Variants in OPCML observed in about 807,000 individuals in gnomAD.
The protein encoded by OPCML is opioid binding protein/cell adhesion molecule like.
In OPCML, 13 loss-of-function variants were observed where a neutral mutation model predicts 37.8. That is an observed-to-expected ratio of 0.34 (90% CI 0.22 to 0.55). The LOEUF (loss-of-function observed/expected upper bound fraction) is 0.55. Ranked by LOEUF, OPCML falls within the 20% of genes least tolerant of loss-of-function variation. The pLI is 0.91. For synonymous variants in OPCML, 176 were observed against 168.8 expected (o/e 1.04, Z -0.33); for missense variants, 341 against 435.6 (o/e 0.78, Z 1.93).
intron 4 of OPCML, among the ~76,000 whole-genome samples, chr11:132,456,789 A>C (rs1259981938): frequency 1.3e-5 from 2 of 152,244 alleles, no homozygotes; most frequent in Non-Finnish European, 2.9e-5. Context: ...AACATAGTCC[A>C]ATTGAAATTC....
intron 1 of OPCML, among the ~76,000 whole-genome samples, chr11:133,124,230 G>A (rs1450054549): frequency 6.6e-6 from 1 of 152,092 alleles, no homozygotes; most frequent in Non-Finnish European, 1.5e-5. Context: ...CTTAAGTCCA[G>A]CTTTCCCTGA....
intron 1 of OPCML, among the ~76,000 whole-genome samples, chr11:133,375,525 A>G (rs1246697683): frequency 6.6e-6 from 1 of 152,130 alleles, no homozygotes; most frequent in African/African-American, 2.4e-5. Context: ...AAGCTAAGAA[A>G]ATGTTAGATC....
At chr11:132,953,023 GA>G (rs916304447) in intron 1 of OPCML, among the ~76,000 whole-genome samples, 1 of 152,146 alleles carries the variant, frequency 6.6e-6, no homozygotes, top group Non-Finnish European at 1.5e-5. Flanking sequence ...AGTTATCTAT[GA>G]GGTTCCCCAA....
intron 1 of OPCML, among the ~76,000 whole-genome samples, chr11:133,220,362 A>G (rs1347021378): frequency 1.3e-5 from 2 of 152,192 alleles, no homozygotes; most frequent in Non-Finnish European, 2.9e-5. Flanking sequence ...CATTAGGACA[A>G]AAAATAAGGA....
chr11:132,623,750 G>A (rs187384091), intron 3 of OPCML, among the ~76,000 whole-genome samples: 1 of 152,308 alleles, frequency 6.6e-6, no homozygotes, highest in African/African-American at 2.4e-5. Flanking sequence ...GCTGTGACTG[G>A]TTGAAATACA....
intron 1 of OPCML, among the ~76,000 whole-genome samples, chr11:133,079,041 C>T (rs2137025964): frequency 6.6e-6 from 1 of 152,262 alleles, no homozygotes; most frequent in African/African-American, 2.4e-5. Context: ...CTCATCCCCA[C>T]CCCAATATTC....
chr11:133,322,728 C>T (rs1277984488), intron 1 of OPCML, among the ~76,000 whole-genome samples: 1 of 152,150 alleles, frequency 6.6e-6, no homozygotes, highest in Non-Finnish European at 1.5e-5. Flanking sequence ...CACATTTTCG[C>T]ATCCAATCCG....
intron 1 of OPCML, among the ~76,000 whole-genome samples, chr11:132,957,106 G>C (rs1945991064): frequency 6.6e-6 from 1 of 152,152 alleles, no homozygotes; most frequent in Non-Finnish European, 1.5e-5. Flanking sequence ...ATTCCAGTCT[G>C]GGCAACAAAG....
rs561817710 is a variant in OPCML, at chr11:133,007,051, C to T, written c.62-64041G>A. The T allele has an allele frequency of 2.2e-5, 22 of 985,368 alleles. No homozygotes were observed. In the South Asian group the frequency reaches 5.2e-4, roughly 23 times the overall value. 61.0% of individuals were successfully genotyped at this position (985,368 alleles called of 1,614,324 possible). ...AGAGGAAAGGCATGAGAAAAAAATC[C>T]TTTTCTTTCCAGACTTTGAGACCAG... On this transcript the variant is annotated intron_variant, in intron 1 of 7. Transcript: ENST00000524381.
intron 1 of OPCML, among the ~76,000 whole-genome samples, chr11:133,130,940 A>C (rs1172293518): frequency 6.6e-6 from 1 of 152,082 alleles, no homozygotes; most frequent in Non-Finnish European, 1.5e-5. Flanking sequence ...TATTAATGTC[A>C]CTCCCTCACT....
At chr11:132,648,961 C>T (rs1272978160) in intron 3 of OPCML, among the ~76,000 whole-genome samples, 1 of 152,130 alleles carries the variant, frequency 6.6e-6, no homozygotes, top group Non-Finnish European at 1.5e-5. Flanking sequence ...CTCTCGTCTC[C>T]TAGACAGAGG....
chr11:132,459,508 A>AAT (rs138266391), intron 4 of OPCML, among the ~76,000 whole-genome samples: 7,840 of 145,302 alleles, frequency 0.054, 495 homozygotes, highest in African/African-American at 0.16. Flanking sequence ...CTATATAGAG[A>AAT]ATATATATAT....
At chr11:133,332,558 A>G (rs1163145072) in intron 1 of OPCML, among the ~76,000 whole-genome samples, 1 of 152,202 alleles carries the variant, frequency 6.6e-6, no homozygotes, top group East Asian at 1.9e-4. Context: ...TTGCCCATTC[A>G]GTAAAATGTT....
At chr11:133,016,956 C>A (rs761755429) in intron 1 of OPCML, among the ~76,000 whole-genome samples, 2 of 152,174 alleles carry the variant, frequency 1.3e-5, no homozygotes, top group Non-Finnish European at 2.9e-5. Context: ...GAGGGTAATG[C>A]TCTGAAATAT....
At chr11:133,230,441 C>T (rs1197288219) in intron 1 of OPCML, among the ~76,000 whole-genome samples, 3 of 152,210 alleles carry the variant, frequency 2.0e-5, no homozygotes, top group Non-Finnish European at 4.4e-5. Context: ...TCCCCTTTCT[C>T]AACTTTCCTG....
intron 1 of OPCML, among the ~76,000 whole-genome samples, chr11:133,058,214 G>T (rs1948275379): frequency 6.6e-6 from 1 of 152,160 alleles, no homozygotes; most frequent in African/African-American, 2.4e-5. Flanking sequence ...GAGGAGGAAG[G>T]GTTTGATTCT....
chr11:132,651,285 T>G (rs1238457471), intron 3 of OPCML, among the ~76,000 whole-genome samples: 4 of 152,202 alleles, frequency 2.6e-5, no homozygotes, highest in Non-Finnish European at 4.4e-5. Flanking sequence ...CTAGTGTAAC[T>G]CGGACAAATC....
intron 1 of OPCML, among the ~76,000 whole-genome samples, chr11:133,099,116 C>T (rs146788249): frequency 1.6e-3 from 247 of 152,210 alleles, no homozygotes; most frequent in African/African-American, 5.8e-3. Context: ...ATAACATATA[C>T]AAGACCTATG....
chr11:132,852,855 T>C (rs1005560624), intron 2 of OPCML, among the ~76,000 whole-genome samples: 1 of 151,326 alleles, frequency 6.6e-6, no homozygotes, highest in African/African-American at 2.4e-5. Context: ...TGTTTTTCTA[T>C]GGCAAATTTG....
Sources: allele counts gnomAD v4.1 joint callset (sites outside exome capture counted in the v4.1 genomes callset), GRCh38; gene constraint gnomAD v4.1.1; transcripts MANE v1.5; gene names NCBI Gene and HGNC (gene_info 2026-07-23, HGNC 2026-07-21).